CEP112: variants seen among roughly 807,000 people sequenced by gnomAD.
CEP112 encodes the protein centrosomal protein of 112 kDa.
In CEP112, 127 loss-of-function variants were observed where a neutral mutation model predicts 153.0. The observed-to-expected ratio is 0.83, with a 90% CI of 0.72 to 0.96. CEP112 has a LOEUF of 0.96. Among genes scored for constraint, CEP112 ranks in the 40% least tolerant of loss-of-function variants. CEP112 has a pLI of 0.00. For synonymous variants in CEP112, 358 were observed against 374.4 expected, an observed-to-expected ratio of 0.96 and a Z score of 0.51; for missense variants, 1,089 against 1,101.2, an observed-to-expected ratio of 0.99 and a Z score of 0.16.
At chr17:65,827,730 A>G (rs1250935090) in intron 21 of CEP112, among the ~76,000 whole-genome samples, 1 of 152,108 alleles carries the variant, frequency 6.6e-6, no homozygotes, top group African/African-American at 2.4e-5. Context: ...CAACTCCCCC[A>G]TGTCCACTAT....
chr17:65,925,906 A>G (rs1309091042), intron 19 of CEP112, among the ~76,000 whole-genome samples: 1 of 152,248 alleles, frequency 6.6e-6, no homozygotes, highest in Non-Finnish European at 1.5e-5. Flanking sequence ...ACGTGACATA[A>G]GTATGAAATA....
chr17:65,935,691 A>G lies in CEP112; in HGVS notation c.1873-8002T>C, dbSNP rs146933429. Among the ~76,000 whole-genome samples the G allele has an allele frequency of 5.0e-3, 755 of 152,184 alleles. 2 individuals are homozygous for G. Among genetic ancestry groups the G allele is most frequent in the African/African-American group, 0.017 (721 of 41,514 alleles). On this transcript the variant is annotated intron_variant, in intron 18 of 26. Transcript: ENST00000535342. ...GTAAGTCAAAAAAATCAAAAGAAAAATTAAAAAAAAACTTGAGACAAACAA... is the reference window on the plus strand; with the variant it reads ...GTAAGTCAAAAAAATCAAAAGAAAAGTTAAAAAAAAACTTGAGACAAACAA...
intron 19 of CEP112, among the ~76,000 whole-genome samples, chr17:65,909,299 C>T (rs2060195959): frequency 6.6e-6 from 1 of 152,094 alleles, no homozygotes; most frequent in African/African-American, 2.4e-5. Context: ...CGGGTTATAG[C>T]TAGAGAAAGT....
chr17:65,821,515 TA>T (rs2056553291), intron 21 of CEP112, among the ~76,000 whole-genome samples: 3 of 28,882 alleles, frequency 1.0e-4, no homozygotes, highest in Non-Finnish European at 1.7e-4. Context: ...TATATATAAT[TA>T]TATATATATA....
At chr17:65,674,188 A>C (rs2047114361) in intron 24 of CEP112, among the ~76,000 whole-genome samples, 1 of 152,246 alleles carries the variant, frequency 6.6e-6, no homozygotes, top group African/African-American at 2.4e-5. Flanking sequence ...AAACTTCTAT[A>C]GATCAAATTA....
intron 17 of CEP112, among the ~76,000 whole-genome samples, chr17:65,984,854 A>G (rs9902003): frequency 0.52 from 79,134 of 152,056 alleles, 21,617 homozygotes; most frequent in African/African-American, 0.6. Context: ...CTAGAGTAAG[A>G]CAAGAGTAGG....
intron 1 of CEP112, among the ~76,000 whole-genome samples, chr17:66,184,175 T>C (rs1207995349): frequency 1.3e-5 from 2 of 152,044 alleles, no homozygotes; most frequent in Non-Finnish European, 1.5e-5. Flanking sequence ...GAGAATTGTT[T>C]GAAAGTGTGA....
chr17:66,008,010 C>T (rs1156975164), intron 16 of CEP112, among the ~76,000 whole-genome samples: 1 of 152,090 alleles, frequency 6.6e-6, no homozygotes, highest in South Asian at 2.1e-4. Context: ...CTCAACTCCT[C>T]CATGTTCTGA....
At chr17:65,647,643 ATTTT>A (rs11358851) in intron 24 of CEP112, among the ~76,000 whole-genome samples, 2 of 143,678 alleles carry the variant, frequency 1.4e-5, no homozygotes, top group African/African-American at 5.1e-5. Context: ...TGCCCAGCTA[ATTTT>A]TTTTTTTTTT....
chr17:65,966,037 T>C (rs77874652), intron 17 of CEP112, among the ~76,000 whole-genome samples: 1 of 42,202 alleles, frequency 2.4e-5, no homozygotes, highest in Non-Finnish European at 4.9e-5. Context: ...GGACTGAAGA[T>C]TTTTTTTTTC....
chr17:65,672,876 A>G (rs2047054535), intron 24 of CEP112, among the ~76,000 whole-genome samples: 1 of 152,366 alleles, frequency 6.6e-6, no homozygotes, highest in Admixed American at 6.5e-5. Flanking sequence ...ATCTCAGTCA[A>G]TACATGGTAT....
intron 21 of CEP112, among the ~76,000 whole-genome samples, chr17:65,832,432 A>G (rs1439583262): frequency 1.3e-5 from 2 of 151,804 alleles, no homozygotes; most frequent in Non-Finnish European, 2.9e-5. Flanking sequence ...AAAAAAAAAA[A>G]CTAAAAAGAC....
At chr17:65,715,438 T>C (rs906845896) in intron 23 of CEP112, among the ~76,000 whole-genome samples, 1 of 152,046 alleles carries the variant, frequency 6.6e-6, no homozygotes. Flanking sequence ...AGCAAATGTA[T>C]TAATAACCAT....
At chr17:66,066,671 C>A in intron 10 of CEP112, 107 bp downstream of exon 10, 2 of 698,824 alleles carry the variant, frequency 2.9e-6, no homozygotes, top group South Asian at 2.7e-5. Context: ...CCCACATAAA[C>A]ATTCCTATCT....
At chr17:66,109,331 T>C (rs572346644) in intron 6 of CEP112, among the ~76,000 whole-genome samples, 3 of 152,308 alleles carry the variant, frequency 2.0e-5, no homozygotes, top group South Asian at 4.2e-4. Flanking sequence ...CCATTTATCC[T>C]GATGTCATTA....
intron 21 of CEP112, among the ~76,000 whole-genome samples, chr17:65,821,845 C>T (rs2056602066): frequency 6.6e-6 from 1 of 151,418 alleles, no homozygotes; most frequent in South Asian, 2.1e-4. Flanking sequence ...AGCCACCGTG[C>T]CTGGCCTAAT....
intron 23 of CEP112, among the ~76,000 whole-genome samples, chr17:65,726,205 G>A (rs192630724): frequency 3.9e-5 from 6 of 152,122 alleles, no homozygotes; most frequent in African/African-American, 1.4e-4. Context: ...TGGGTGTGGT[G>A]GTGGGTGCCT....
chr17:65,925,912 A>C (rs1298881553), intron 19 of CEP112, among the ~76,000 whole-genome samples: 1 of 152,252 alleles, frequency 6.6e-6, no homozygotes, highest in Non-Finnish European at 1.5e-5. Context: ...CATAAGTATG[A>C]AATAAGCCTT....
chr17:66,175,773 C>T (rs946438023), intron 3 of CEP112, among the ~76,000 whole-genome samples: 2 of 152,180 alleles, frequency 1.3e-5, no homozygotes, highest in African/African-American at 4.8e-5. Flanking sequence ...TTAAATAAAG[C>T]CCTTCCCTTT....
Sources: gnomAD v4.1 joint callset for allele counts (sites outside exome capture counted in the v4.1 genomes callset) on GRCh38, gnomAD v4.1.1 for gene constraint, MANE v1.5 for transcripts, NCBI Gene and HGNC (gene_info 2026-07-23, HGNC 2026-07-21) for gene names.